VWA8: variants seen among roughly 807,000 people sequenced by gnomAD.
The protein encoded by VWA8 is von Willebrand factor A domain-containing protein 8.
A neutral mutation model predicts 241.5 loss-of-function variants in VWA8; 221 were observed. That is an observed-to-expected ratio of 0.91 (90% CI 0.82 to 1.02). The LOEUF is 1.02. Among genes scored for constraint, VWA8 ranks in the 50% least tolerant of loss-of-function variants. The pLI, the probability that VWA8 is intolerant of heterozygous loss-of-function variation, is 0.00. For missense variants in VWA8, 2,322 were observed against 2,328.7 expected (o/e 1.00, Z 0.06); for synonymous variants, 852 against 827.1 (o/e 1.03, Z -0.52).
chr13:41,572,766 C>T lies in VWA8; in HGVS notation c.5371-2060G>A, dbSNP rs868098423. Among the ~76,000 whole-genome samples the T allele has an allele frequency of 3.2e-3, 462 of 143,266 alleles. 3 individuals are homozygous for T. Among genetic ancestry groups the T allele is most frequent in the African/African-American group, 0.011 (414 of 37,618 alleles). The allele number at this position is 143,266 out of a possible 152,430, so 94.0% of individuals were successfully genotyped here. On this transcript the variant is annotated intron_variant, in intron 43 of 44. Coordinates refer to ENST00000379310, the MANE Select transcript of VWA8 (RefSeq NM_015058.2). ...TATGACCCTGCCAAATCCCCCTCTC[C>T]GAGAAACACCCAAGAATGATCAATA...
At chr13:41,912,600 A>G (rs574735322) in intron 2 of VWA8, among the ~76,000 whole-genome samples, 1 of 152,306 alleles carries the variant, frequency 6.6e-6, no homozygotes, top group South Asian at 2.1e-4. Flanking sequence ...GAGAGATATG[A>G]TCAAATCATC....
chr13:41,607,644 G>C (rs61963026), intron 39 of VWA8, among the ~76,000 whole-genome samples: 17,953 of 152,104 alleles, frequency 0.12, 1,393 homozygotes, highest in South Asian at 0.24. Flanking sequence ...CTGTGGGGTG[G>C]GGAGGGGATG....
intron 2 of VWA8, among the ~76,000 whole-genome samples, chr13:41,916,169 A>C (rs1474925484): frequency 6.6e-6 from 1 of 152,244 alleles, no homozygotes; most frequent in Non-Finnish European, 1.5e-5. Context: ...CACTTAGAAC[A>C]GTGTCTAATA....
intron 29 of VWA8, 119 bp downstream of exon 29, chr13:41,698,952 T>A (rs2045231812): frequency 7.3e-7 from 1 of 1,370,218 alleles, no homozygotes; most frequent in African/African-American, 1.4e-5. Context: ...TCCTGACCCA[T>A]CCCTCCAGCT....
intron 41 of VWA8, among the ~76,000 whole-genome samples, chr13:41,590,431 T>G (rs1282110572): frequency 1.3e-5 from 2 of 152,174 alleles, no homozygotes; most frequent in Non-Finnish European, 2.9e-5. Flanking sequence ...TGCCTTATGT[T>G]TCTTGCTGGG....
chr13:41,888,895 A>G (rs1874680889), intron 5 of VWA8, among the ~76,000 whole-genome samples: 1 of 152,222 alleles, frequency 6.6e-6, no homozygotes. Context: ...CACTGAAACT[A>G]TGTCATATAC....
intron 14 of VWA8, among the ~76,000 whole-genome samples, chr13:41,827,256 A>C (rs2137995108): frequency 6.6e-6 from 1 of 152,366 alleles, no homozygotes; most frequent in Middle Eastern, 3.4e-3. Context: ...GTTCTAAACA[A>C]AATTATTATA....
chr13:41,698,431 T>C (rs1203199920), intron 29 of VWA8, among the ~76,000 whole-genome samples: 1 of 152,158 alleles, frequency 6.6e-6, no homozygotes, highest in Non-Finnish European at 1.5e-5. Context: ...TTGGAATTAT[T>C]TTTAGCCTGA....
intron 41 of VWA8, among the ~76,000 whole-genome samples, chr13:41,589,938 G>A (rs1238514211): frequency 1.3e-5 from 2 of 152,132 alleles, no homozygotes; most frequent in Non-Finnish European, 2.9e-5. Flanking sequence ...GTGTGGAGGG[G>A]GACTCACCCT....
chr13:41,786,287 T>G (rs1869184949), intron 18 of VWA8, among the ~76,000 whole-genome samples: 1 of 152,168 alleles, frequency 6.6e-6, no homozygotes, highest in Admixed American at 6.5e-5. Flanking sequence ...TGGACTATGA[T>G]ATACTGGTTG....
chr13:41,693,015 T>A, intron 29 of VWA8, 43 bp from the exon 30 acceptor site: 1 of 1,141,522 alleles, frequency 8.8e-7, no homozygotes, highest in Non-Finnish European at 1.2e-6. Context: ...ATTTGTTCTT[T>A]TTTTTTTTTT....
intron 2 of VWA8, among the ~76,000 whole-genome samples, chr13:41,912,983 T>C (rs527509185): frequency 6.6e-6 from 1 of 152,242 alleles, no homozygotes; most frequent in South Asian, 2.1e-4. Flanking sequence ...ACATGTATAA[T>C]ACTCAGAGCA....
chr13:41,606,757 T>G (rs2044556126), intron 39 of VWA8, among the ~76,000 whole-genome samples: 1 of 152,178 alleles, frequency 6.6e-6, no homozygotes, highest in African/African-American at 2.4e-5. Context: ...AATTATGTAA[T>G]GCTAGGCCTA....
At chr13:41,789,482 T>A (rs956944849) in intron 17 of VWA8, among the ~76,000 whole-genome samples, 3 of 152,096 alleles carry the variant, frequency 2.0e-5, no homozygotes, top group Non-Finnish European at 2.9e-5. Flanking sequence ...AAAAAAAAAT[T>A]GGAAAAGCTC....
intron 36 of VWA8, among the ~76,000 whole-genome samples, chr13:41,673,716 T>C (rs1355874302): frequency 6.6e-6 from 1 of 152,244 alleles, no homozygotes; most frequent in East Asian, 1.9e-4. Context: ...TATTTTAGTG[T>C]GTCTACCAAG....
At chr13:41,726,474 G>C (rs893455638) in intron 24 of VWA8, among the ~76,000 whole-genome samples, 2 of 152,138 alleles carry the variant, frequency 1.3e-5, no homozygotes, top group African/African-American at 2.4e-5. Context: ...GTTTATCCCA[G>C]GGCCTCTCCA....
At chr13:41,601,448 T>G (rs1282698590) in intron 40 of VWA8, among the ~76,000 whole-genome samples, 1 of 152,136 alleles carries the variant, frequency 6.6e-6, no homozygotes, top group Non-Finnish European at 1.5e-5. Context: ...TGTTTGTTCA[T>G]GGAGATACCA....
intron 12 of VWA8, among the ~76,000 whole-genome samples, chr13:41,847,983 A>G (rs1593814339): frequency 6.6e-6 from 1 of 152,310 alleles, no homozygotes; most frequent in East Asian, 1.9e-4. Context: ...AAGGCTCAAT[A>G]ATGGGCCCAA....
In VWA8 at chr13:41,868,332, C is replaced by T. The variant is rs1873406584; in HGVS notation, c.1212+14G>A. 1 of 1,613,114 alleles carries T rather than the reference C, an allele frequency of 6.2e-7. No individual in the cohort carries two copies. Among genetic ancestry groups the T allele is most frequent in the Admixed American group, 1.7e-5 (1 of 59,876 alleles). On this transcript the variant is annotated intron_variant, in intron 10 of 44. Transcript: ENST00000379310. ...AAGGTATATCATAGAAAGAATAAAC[C>T]TGTGATTAATTACCTTAATGGTCAC...
Sources: gnomAD v4.1 joint callset for allele counts (sites outside exome capture counted in the v4.1 genomes callset) on GRCh38, gnomAD v4.1.1 for gene constraint, MANE v1.5 for transcripts, NCBI Gene and HGNC (gene_info 2026-07-23, HGNC 2026-07-21) for gene names.